WWOX: variants seen among roughly 807,000 people sequenced by gnomAD.
The protein encoded by WWOX is WW domain-containing oxidoreductase.
A neutral mutation model predicts 46.2 loss-of-function variants in WWOX; 69 were observed. The ratio of observed to expected loss-of-function variants is 1.49; its 90% confidence interval spans 1.23 to 1.82. The LOEUF (loss-of-function observed/expected upper bound fraction) is 1.82, where lower values mean the gene tolerates loss of function less well. Among genes scored for constraint, WWOX ranks in the 40% most tolerant of loss-of-function variants. The pLI is 0.00. For synonymous variants in WWOX, 359 were observed against 202.6 expected, an observed-to-expected ratio of 1.77 and a Z score of -6.56; for missense variants, 919 against 542.6, an observed-to-expected ratio of 1.69 and a Z score of -6.89.
intron 5 of WWOX, among the ~76,000 whole-genome samples, chr16:78,379,811 C>A (rs1380119944): frequency 6.6e-6 from 1 of 152,150 alleles, no homozygotes; most frequent in African/African-American, 2.4e-5. Context: ...TAGGTTTGAT[C>A]ACTGGAATTA....
intron 8 of WWOX, among the ~76,000 whole-genome samples, chr16:78,925,847 C>G (rs1007940922): frequency 6.6e-6 from 1 of 152,144 alleles, no homozygotes; most frequent in South Asian, 2.1e-4. Flanking sequence ...TCTAGCCTAC[C>G]AGGATTTGGT....
At chr16:78,753,122 C>G (rs1347256687) in intron 8 of WWOX, among the ~76,000 whole-genome samples, 2 of 152,040 alleles carry the variant, frequency 1.3e-5, no homozygotes, top group African/African-American at 2.4e-5. Context: ...TGGTGAAACC[C>G]CGTCTCTACT....
At chr16:78,135,046 A>G (rs1249418254) in intron 4 of WWOX, among the ~76,000 whole-genome samples, 1 of 152,222 alleles carries the variant, frequency 6.6e-6, no homozygotes, top group Non-Finnish European at 1.5e-5. Flanking sequence ...TCCCAGTGCC[A>G]TAACAATGCA....
chr16:78,296,036 T>C (rs77701896), intron 5 of WWOX, among the ~76,000 whole-genome samples: 4 of 152,370 alleles, frequency 2.6e-5, no homozygotes, highest in Admixed American at 6.5e-5. Context: ...ATTTTCTGAG[T>C]ATGAAAAGCA....
chr16:78,233,651 C>T (rs975094213), intron 5 of WWOX, among the ~76,000 whole-genome samples: 4 of 151,662 alleles, frequency 2.6e-5, no homozygotes, highest in Non-Finnish European at 4.4e-5. Context: ...CTCAGCCTCC[C>T]GAGTAGCTGG....
At position 79,106,190 on chromosome 16, in the gene WWOX, C is replaced by A. The variant is rs1042066896; in HGVS notation, c.1057-105418C>A. 1.1e-4 allele frequency among the ~76,000 whole-genome samples: 17 copies of A among 152,328 alleles called. No individual in the cohort carries two copies. The East Asian group carries it at 2.9e-3, about 26-fold the overall frequency. ...CCCAGCCGTCTATATTTCAGCAAGC[C>A]TTCCAAGAGACTTCAGTGCCTGCTA... On this transcript the variant is annotated intron_variant, in intron 8 of 8. Transcript: ENST00000566780.
intron 8 of WWOX, among the ~76,000 whole-genome samples, chr16:79,154,000 A>G (rs1250050660): frequency 1.3e-5 from 2 of 152,196 alleles, no homozygotes; most frequent in African/African-American, 4.8e-5. Context: ...AGCATTTAGA[A>G]TTTGGGAGAA....
At chr16:78,778,722 C>G (rs184597864) in intron 8 of WWOX, among the ~76,000 whole-genome samples, 4 of 152,284 alleles carry the variant, frequency 2.6e-5, no homozygotes, top group Admixed American at 6.5e-5. Context: ...GCAGATTGGC[C>G]TGAAGGAAGA....
chr16:78,483,617 C>T (rs996168168), intron 8 of WWOX, among the ~76,000 whole-genome samples: 4 of 152,080 alleles, frequency 2.6e-5, no homozygotes, highest in African/African-American at 7.2e-5. Context: ...CCTTCACATA[C>T]TTATACTGTG....
At chr16:78,993,371 C>T (rs576934948) in intron 8 of WWOX, among the ~76,000 whole-genome samples, 2 of 152,092 alleles carry the variant, frequency 1.3e-5, no homozygotes, top group African/African-American at 4.8e-5. Context: ...CCTTTAAGTG[C>T]TTGTCAAGAG....
At chr16:78,956,689 T>G (rs17709147) in intron 8 of WWOX, among the ~76,000 whole-genome samples, 1 of 152,172 alleles carries the variant, frequency 6.6e-6, no homozygotes, top group Non-Finnish European at 1.5e-5. Flanking sequence ...TTAATCTCTT[T>G]GTGCACACAT....
chr16:78,140,550 C>G (rs1302652172), intron 4 of WWOX, among the ~76,000 whole-genome samples: 1 of 152,102 alleles, frequency 6.6e-6, no homozygotes. Flanking sequence ...TCTGGTAGCC[C>G]TAGATGTTCA....
chr16:78,953,021 C>T (rs577898301), intron 8 of WWOX, among the ~76,000 whole-genome samples: 4 of 143,096 alleles, frequency 2.8e-5, no homozygotes, highest in East Asian at 2.0e-4. Flanking sequence ...TTATTGCTTC[C>T]CTGGATTTTT....
chr16:78,406,964 T>TA lies in WWOX; in HGVS notation c.606-17902dup, dbSNP rs138813964. Among the ~76,000 whole-genome samples, 1,096 of 152,290 alleles carry TA rather than the reference T, an allele frequency of 7.2e-3. 25 individuals carry two copies. In the East Asian group the frequency reaches 0.09, roughly 13 times the overall value. ...TTTTATAAACTCCTTGGATGCTACC[T>TA]AAAATCATCTTGTTTTGCTAGTGGC... is the stretch of plus-strand genomic sequence containing the variant. On this transcript the variant is annotated intron_variant, in intron 6 of 8. Transcript: ENST00000566780.
intron 8 of WWOX, among the ~76,000 whole-genome samples, chr16:78,926,583 T>C (rs1267290749): frequency 6.6e-6 from 1 of 152,186 alleles, no homozygotes; most frequent in African/African-American, 2.4e-5. Context: ...ACTTCTTTGC[T>C]GTTGGTCTGT....
intron 8 of WWOX, among the ~76,000 whole-genome samples, chr16:78,589,730 C>T (rs768836671): frequency 4.6e-5 from 7 of 152,252 alleles, no homozygotes; most frequent in Non-Finnish European, 1.0e-4. Context: ...TTACAGTGTG[C>T]GACTGTTTAC....
At chr16:78,928,432 G>C (rs2045550080) in intron 8 of WWOX, among the ~76,000 whole-genome samples, 1 of 151,948 alleles carries the variant, frequency 6.6e-6, no homozygotes, top group Non-Finnish European at 1.5e-5. Flanking sequence ...TCGATCTCCT[G>C]ACCTCGTGAT....
chr16:79,060,870 AG>A (rs1367844312), intron 8 of WWOX, among the ~76,000 whole-genome samples: 13 of 152,248 alleles, frequency 8.5e-5, no homozygotes, highest in Admixed American at 3.9e-4. Flanking sequence ...GGTTAATTAA[AG>A]CTTATTGTAT....
At chr16:78,306,801 C>A (rs1200744938) in intron 5 of WWOX, among the ~76,000 whole-genome samples, 1 of 151,888 alleles carries the variant, frequency 6.6e-6, no homozygotes, top group Non-Finnish European at 1.5e-5. Context: ...CCCACTGAGT[C>A]CCATTCCTTC....
Sources: gnomAD v4.1 joint callset for allele counts (sites outside exome capture counted in the v4.1 genomes callset) on GRCh38, gnomAD v4.1.1 for gene constraint, MANE v1.5 for transcripts, NCBI Gene and HGNC (gene_info 2026-07-23, HGNC 2026-07-21) for gene names.